The following NEO1 variants were observed in gnomAD, a reference collection of about 807,000 sequenced individuals.
The protein encoded by NEO1 is neogenin.
A neutral mutation model predicts 159.7 loss-of-function variants in NEO1; 63 were observed. The ratio of observed to expected loss-of-function variants is 0.39; its 90% CI spans 0.32 to 0.49. The LOEUF is 0.49. NEO1 is among the 20% of genes least tolerant of loss of function. NEO1 has a pLI of 0.85. For missense variants in NEO1, 1,615 were observed against 1,831.0 expected (o/e 0.88, Z 2.15); for synonymous variants, 633 against 662.0 (o/e 0.96, Z 0.67).
chr15:73,159,772 C>A (rs1379511171), intron 5 of NEO1, among the ~76,000 whole-genome samples: 1 of 152,058 alleles, frequency 6.6e-6, no homozygotes, highest in East Asian at 1.9e-4. Flanking sequence ...GTGAGTGTTT[C>A]TGATAGATGA....
intron 24 of NEO1, 52 bp from the exon 25 acceptor site, chr15:73,289,094 C>T (rs376636417): frequency 2.1e-6 from 3 of 1,444,688 alleles, no homozygotes; most frequent in Admixed American, 3.4e-5. Context: ...GTTGAGGCTG[C>T]TCAGTGGCAT....
chr15:73,102,445 C>T (rs756168711), intron 1 of NEO1, among the ~76,000 whole-genome samples: 2 of 152,160 alleles, frequency 1.3e-5, no homozygotes, highest in Non-Finnish European at 2.9e-5. Context: ...CATTTTCCTT[C>T]TTCACTTTCC....
intron 5 of NEO1, among the ~76,000 whole-genome samples, chr15:73,173,430 A>G (rs572263600): frequency 2.0e-5 from 3 of 152,204 alleles, no homozygotes; most frequent in Non-Finnish European, 4.4e-5. Flanking sequence ...AAGAGTACGT[A>G]GATTTTAGTA....
intron 4 of NEO1, among the ~76,000 whole-genome samples, chr15:73,133,347 A>G (rs937194264): frequency 1.3e-5 from 2 of 152,160 alleles, no homozygotes; most frequent in Non-Finnish European, 2.9e-5. Context: ...GAGCTAAGCT[A>G]TGAAGATGCA....
chr15:73,085,140 T>C (rs1325402909), intron 1 of NEO1, among the ~76,000 whole-genome samples: 5 of 152,064 alleles, frequency 3.3e-5, no homozygotes, highest in Admixed American at 3.3e-4. Flanking sequence ...CTTTTTGTAG[T>C]CAAGCCCTCC....
intron 16 of NEO1, among the ~76,000 whole-genome samples, chr15:73,267,183 A>G (rs2040945423): frequency 6.6e-6 from 1 of 152,226 alleles, no homozygotes; most frequent in South Asian, 2.1e-4. Flanking sequence ...GCATGAACTC[A>G]GGAAGCAGAG....
chr15:73,161,979 C>T (rs559479852), intron 5 of NEO1: 9 of 212,532 alleles, frequency 4.2e-5, no homozygotes, highest in African/African-American at 1.4e-4. Flanking sequence ...TTTTTTTCTC[C>T]TGTTTTTTGA....
At chr15:73,264,269 G>A (rs1055004907) in intron 15 of NEO1, among the ~76,000 whole-genome samples, 1 of 152,134 alleles carries the variant, frequency 6.6e-6, no homozygotes, top group South Asian at 2.1e-4. Context: ...CTCCTTTGCA[G>A]TATTGACAGG....
intron 7 of NEO1, among the ~76,000 whole-genome samples, chr15:73,234,395 C>T (rs1281690742): frequency 6.6e-6 from 1 of 152,196 alleles, no homozygotes; most frequent in African/African-American, 2.4e-5. Context: ...CCACAGTCTC[C>T]TAAGCTAGTA....
intron 22 of NEO1, among the ~76,000 whole-genome samples, chr15:73,280,322 T>A (rs2041632355): frequency 6.6e-6 from 1 of 151,688 alleles, no homozygotes; most frequent in Non-Finnish European, 1.5e-5. Context: ...GTAGTCCAGA[T>A]GAGGCATAAA....
At chr15:73,271,579 A>G (rs1002985354) in intron 18 of NEO1, among the ~76,000 whole-genome samples, 2 of 152,180 alleles carry the variant, frequency 1.3e-5, no homozygotes, top group Non-Finnish European at 2.9e-5. Flanking sequence ...TAATCTGTAA[A>G]TCATCTATTC....
chr15:73,253,527 C>A, intron 12 of NEO1, 78 bp downstream of exon 12: 1 of 961,104 alleles, frequency 1.0e-6, no homozygotes, highest in South Asian at 1.9e-5. Context: ...AAGGGAGATT[C>A]TGTAGGAAAG....
chr15:73,278,159 G>A lies in NEO1; in HGVS notation c.3222G>A (p.Arg1074=). The A allele has an allele frequency of 4.3e-6, 7 of 1,613,124 alleles. No individual in the cohort carries two copies. Among genetic ancestry groups the A allele is most frequent in the Non-Finnish European group, 5.9e-6 (7 of 1,179,252 alleles). ...QASGSGGKGS[R]LPDLGSDYKP... is the part of the protein sequence containing the mutation. Reference sequence around the variant, plus strand: ...CAGGGTCTGGAGGGAAAGGAAGCCGGCTGCCAGACCTAGGATCCGACTACA... The same window carrying A: ...CAGGGTCTGGAGGGAAAGGAAGCCGACTGCCAGACCTAGGATCCGACTACA... Residue 1074 remains arginine, a synonymous_variant, in exon 22 of 29, where the codon CGG becomes CGA. Coordinates refer to ENST00000261908, the MANE Select transcript of NEO1 (RefSeq NM_002499.4).
At chr15:73,291,266 C>G (rs993659036) in intron 25 of NEO1, among the ~76,000 whole-genome samples, 1 of 152,022 alleles carries the variant, frequency 6.6e-6, no homozygotes, top group African/African-American at 2.4e-5. Context: ...CCTGAACTGG[C>G]TTATTTTGAA....
chr15:73,251,754 C>A (rs951222058), intron 11 of NEO1, among the ~76,000 whole-genome samples: 14 of 152,256 alleles, frequency 9.2e-5, no homozygotes, highest in Admixed American at 6.5e-4. Context: ...TGGCTAGGGG[C>A]AGCACTTTGG....
At chr15:73,243,350 G>A (rs1219207142) in intron 8 of NEO1, among the ~76,000 whole-genome samples, 3 of 152,176 alleles carry the variant, frequency 2.0e-5, no homozygotes, top group African/African-American at 4.8e-5. Flanking sequence ...CAAATTATCA[G>A]TATTTTAAAG....
intron 7 of NEO1, among the ~76,000 whole-genome samples, chr15:73,216,615 G>C (rs1253962801): frequency 1.3e-5 from 2 of 152,066 alleles, no homozygotes; most frequent in Non-Finnish European, 2.9e-5. Flanking sequence ...ACTTTTTAAT[G>C]ATTGCCATTC....
chr15:73,213,632 G>A (rs936997876), intron 7 of NEO1, among the ~76,000 whole-genome samples: 1 of 152,074 alleles, frequency 6.6e-6, no homozygotes, highest in South Asian at 2.1e-4. Context: ...GTATTCCATC[G>A]TATAAATATA....
chr15:73,268,882 G>A (rs1351203328), intron 16 of NEO1, among the ~76,000 whole-genome samples: 2 of 152,180 alleles, frequency 1.3e-5, no homozygotes, highest in South Asian at 2.1e-4. Context: ...GTACTGTACA[G>A]TACTCTGATT....
Sources: allele counts gnomAD v4.1 joint callset (sites outside exome capture counted in the v4.1 genomes callset), GRCh38; gene constraint gnomAD v4.1.1; transcripts MANE v1.5; gene names NCBI Gene and HGNC (gene_info 2026-07-23, HGNC 2026-07-21).